The following RERE variants were observed in gnomAD, a reference collection of about 807,000 sequenced individuals.
RERE encodes arginine-glutamic acid dipeptide repeats.
RERE carries 40 observed loss-of-function variants against 146.1 expected under a neutral mutation model. That is an observed-to-expected ratio of 0.27 (90% CI 0.21 to 0.36). The LOEUF is 0.36. Ranked by LOEUF, RERE falls within the 10% of genes least tolerant of loss-of-function variation. RERE has a pLI of 1.00. For synonymous variants in RERE, 1,003 were observed against 866.0 expected (o/e 1.16, Z -2.78); for missense variants, 1,933 against 2,138.7 (o/e 0.90, Z 1.90).
intron 4 of RERE, among the ~76,000 whole-genome samples, chr1:8,566,485 T>C (rs1646154083): frequency 6.6e-6 from 1 of 152,020 alleles, no homozygotes; most frequent in Non-Finnish European, 1.5e-5. Flanking sequence ...CCGGGTGTGG[T>C]GGCGACCGCC....
chr1:8,573,419 T>C (rs1646247882), intron 4 of RERE, among the ~76,000 whole-genome samples: 1 of 152,182 alleles, frequency 6.6e-6, no homozygotes. Flanking sequence ...TTTGAGTTCT[T>C]CTATAATATG....
At chr1:8,426,483 C>G (rs1304208644) in intron 11 of RERE, among the ~76,000 whole-genome samples, 1 of 152,040 alleles carries the variant, frequency 6.6e-6, no homozygotes, top group East Asian at 1.9e-4. Flanking sequence ...CTTTCAACGC[C>G]CTCCTTTCCT....
At chr1:8,699,387 T>C (rs1163311370) in intron 1 of RERE, among the ~76,000 whole-genome samples, 1 of 152,122 alleles carries the variant, frequency 6.6e-6, no homozygotes, top group Non-Finnish European at 1.5e-5. Flanking sequence ...TACACCAGAG[T>C]TCAATGATAA....
chr1:8,790,000 G>A lies in RERE; in HGVS notation c.-145+27160C>T, dbSNP rs537407514. ...TCTCTAAATGTTGTATTCTTGCAAG[G>A]CTTCCCTCCTAAATTCTGAGGCCAA... On this transcript the variant is annotated intron_variant, in intron 1 of 22. Transcript: ENST00000400908. Among the ~76,000 whole-genome samples the A allele has an allele frequency of 5.9e-5, 9 of 152,238 alleles. No individual in the cohort carries two copies. The South Asian group carries it at 1.2e-3, about 21-fold the overall frequency.
At chr1:8,572,761 T>A (rs1213986292) in intron 4 of RERE, among the ~76,000 whole-genome samples, 1 of 152,034 alleles carries the variant, frequency 6.6e-6, no homozygotes, top group Non-Finnish European at 1.5e-5. Context: ...CCCCCAACCC[T>A]CTCCTCTAAA....
At chr1:8,564,451 G>A (rs1646116395) in intron 4 of RERE, among the ~76,000 whole-genome samples, 1 of 152,150 alleles carries the variant, frequency 6.6e-6, no homozygotes, top group South Asian at 2.1e-4. Context: ...AAGGTCAGAT[G>A]TGGAATTTTC....
chr1:8,384,773 C>T (rs557751024), intron 12 of RERE, among the ~76,000 whole-genome samples: 1 of 152,310 alleles, frequency 6.6e-6, no homozygotes, highest in East Asian at 1.9e-4. Flanking sequence ...GGTTGGGCTA[C>T]TTGTTTTTCA....
At chr1:8,789,299 AAAAT>A (rs1208000094) in intron 1 of RERE, among the ~76,000 whole-genome samples, 1 of 54,860 alleles carries the variant, frequency 1.8e-5, no homozygotes, top group African/African-American at 8.5e-5. Context: ...AAAAAAAAAA[AAAAT>A]ATATATATAT....
intron 6 of RERE, among the ~76,000 whole-genome samples, chr1:8,552,485 CTATTT>C (rs1190921763): frequency 1.3e-5 from 2 of 152,010 alleles, no homozygotes; most frequent in African/African-American, 4.8e-5. Context: ...TGCCCACAGA[CTATTT>C]TATTTGTATC....
chr1:8,637,846 G>C (rs1443712692), intron 2 of RERE, among the ~76,000 whole-genome samples: 1 of 152,194 alleles, frequency 6.6e-6, no homozygotes, highest in Non-Finnish European at 1.5e-5. Context: ...ACTAGGGCTG[G>C]TTAGAAAGAA....
intron 1 of RERE, among the ~76,000 whole-genome samples, chr1:8,686,794 T>C (rs1292277590): frequency 6.6e-6 from 1 of 152,008 alleles, no homozygotes; most frequent in Non-Finnish European, 1.5e-5. Flanking sequence ...ACAAGTACTC[T>C]AGGGGAAAAC....
intron 8 of RERE, among the ~76,000 whole-genome samples, chr1:8,504,724 G>C (rs1557663294): frequency 6.6e-6 from 1 of 152,120 alleles, no homozygotes; most frequent in Non-Finnish European, 1.5e-5. Context: ...GTGGTGGCGG[G>C]CGCCTATAAT....
intron 1 of RERE, among the ~76,000 whole-genome samples, chr1:8,733,686 T>A (rs975181977): frequency 6.6e-6 from 1 of 152,218 alleles, no homozygotes; most frequent in Non-Finnish European, 1.5e-5. Flanking sequence ...GACTGCAACC[T>A]GAGAAGGGAC....
intron 6 of RERE, among the ~76,000 whole-genome samples, chr1:8,552,352 C>A (rs559306433): frequency 6.6e-5 from 10 of 152,310 alleles, no homozygotes; most frequent in African/African-American, 2.4e-4. Context: ...GATGAAACCA[C>A]ACAACCGAGC....
chr1:8,716,283 C>CA (rs1223638122), intron 1 of RERE, among the ~76,000 whole-genome samples: 2 of 130,602 alleles, frequency 1.5e-5, no homozygotes, highest in Non-Finnish European at 3.2e-5. Context: ...GGCAACACTG[C>CA]AAGATCTCAT....
rs1638311690 is a variant in RERE at position 8,656,525 on chromosome 1, T to C, written c.-144-84A>G. 9 of 582,688 alleles carry C rather than the reference T, an allele frequency of 1.5e-5. No individual in the cohort carries two copies. In the South Asian group the frequency reaches 2.2e-4, roughly 14 times the overall value. 36.1% of individuals were successfully genotyped at this position (582,688 alleles called of 1,614,324 possible). On this transcript the variant is annotated intron_variant, in intron 1 of 22. Transcript: ENST00000400908. ...TTTTGTTAAATGAATCTCTTACTTA[T>C]TCATGCTTTACACCTAAAAACTTCG...
In RERE at chr1:8,355,465, G is replaced by A; in HGVS notation, c.4621C>T (p.Pro1541Ser). The A allele has an allele frequency of 1.2e-6, 2 of 1,612,948 alleles. No individual in the cohort carries two copies. Among genetic ancestry groups the A allele is most frequent in the Non-Finnish European group, 1.7e-6 (2 of 1,179,978 alleles). The change falls in exon 22 of 23, where the codon CCC becomes TCC. Residue 1541 changes from proline (P) to serine (S), a missense_variant. Pro to Ser is a moderately conservative substitution (Grantham distance 74, BLOSUM62 -1). This residue lies in a region of RERE where 133 missense variants were observed against 168.6 expected (regional missense o/e 0.79). Coordinates refer to ENST00000400908, the MANE Select transcript of RERE (RefSeq NM_001042681.2). ...GGTAGGTGGCCACCATGCATGTGGG[G>A]GTGTCCATGCAGCCACTGCTGCTCC... ...AMEQQWLHGH[P>S]HMHGGHLPSQ...
chr1:8,786,788 A>T, intron 1 of RERE: 1 of 800,116 alleles, frequency 1.2e-6, no homozygotes, highest in South Asian at 1.3e-5. Context: ...GCTTTTTCAT[A>T]AATAAGCTCC....
At chr1:8,632,346 A>C (rs143705506) in intron 2 of RERE, among the ~76,000 whole-genome samples, 2 of 152,358 alleles carry the variant, frequency 1.3e-5, no homozygotes, top group African/African-American at 4.8e-5. Flanking sequence ...TCCTTTTCAG[A>C]AAACAATGCA....
Sources: gnomAD v4.1 joint callset for allele counts (sites outside exome capture counted in the v4.1 genomes callset) on GRCh38, gnomAD v4.1.1 for gene constraint, gnomAD v4.1.1 regional missense constraint, MANE v1.5 for transcripts, NCBI Gene and HGNC (gene_info 2026-07-23, HGNC 2026-07-21) for gene names.